The following VPS37A variants were observed in gnomAD, a reference collection of about 807,000 sequenced individuals.
VPS37A encodes VPS37A subunit of ESCRT-I.
VPS37A carries 30 observed loss-of-function variants against 49.8 expected under a neutral mutation model. The observed-to-expected ratio is 0.60, with a 90% CI of 0.45 to 0.82. The LOEUF is 0.82. Ranked by LOEUF, VPS37A falls within the 40% of genes least tolerant of loss-of-function variation. VPS37A has a pLI of 0.00. For missense variants in VPS37A, 593 were observed against 464.4 expected (o/e 1.28, Z -2.55); for synonymous variants, 195 against 160.6 (o/e 1.21, Z -1.62).
chr8:17,247,591 C>G, intron 1 of VPS37A: 1 of 718,998 alleles, frequency 1.4e-6, no homozygotes, highest in Non-Finnish European at 2.5e-6. Context: ...GCGCTTCTAA[C>G]TCGGATTTCC....
At chr8:17,286,962 C>A (rs1006235588) in intron 11 of VPS37A, among the ~76,000 whole-genome samples, 3 of 152,200 alleles carry the variant, frequency 2.0e-5, no homozygotes. Flanking sequence ...CTAGTAATGA[C>A]AGTATCCATG....
intron 1 of VPS37A, among the ~76,000 whole-genome samples, chr8:17,261,682 A>T (rs933241567): frequency 2.0e-5 from 3 of 152,158 alleles, no homozygotes; most frequent in African/African-American, 7.2e-5. Context: ...CTTTAAACCC[A>T]GGTTTGCCTT....
At chr8:17,252,204 A>G (rs1369416653) in intron 1 of VPS37A, among the ~76,000 whole-genome samples, 1 of 152,118 alleles carries the variant, frequency 6.6e-6, no homozygotes, top group Admixed American at 6.6e-5. Context: ...ACAGGGTCTC[A>G]CTCTGTTACC....
downstream of VPS37A, chr8:17,302,063 G>T: frequency 6.6e-7 from 1 of 1,519,638 alleles, no homozygotes. Context: ...TGAAATATTT[G>T]TATTGCACTG....
intron 11 of VPS37A, among the ~76,000 whole-genome samples, chr8:17,286,853 C>G (rs367565232): frequency 6.6e-6 from 1 of 152,290 alleles, no homozygotes; most frequent in East Asian, 1.9e-4. Flanking sequence ...GTCCCCACGA[C>G]TTGAGGGTTC....
chr8:17,287,290 C>T (rs572309870), intron 11 of VPS37A, among the ~76,000 whole-genome samples: 7 of 152,248 alleles, frequency 4.6e-5, no homozygotes, highest in African/African-American at 9.6e-5. Flanking sequence ...AGACTGAAAA[C>T]AGCCACTCAG....
At chr8:17,310,359 C>A in the VPS37A span, among the ~76,000 whole-genome samples, 2 of 152,122 alleles carry the variant, frequency 1.3e-5, no homozygotes, top group African/African-American at 2.4e-5. Flanking sequence ...ATCCCCAATG[C>A]TTTAAAGTGG....
chr8:17,261,333 A>C (rs149020913), intron 1 of VPS37A, among the ~76,000 whole-genome samples: 254 of 152,276 alleles, frequency 1.7e-3, no homozygotes, highest in African/African-American at 5.7e-3. Context: ...ATTATTACTT[A>C]AATCTCTTTG....
chr8:17,248,422 G>T (rs773468668), intron 1 of VPS37A: 3 of 453,246 alleles, frequency 6.6e-6, no homozygotes, highest in Non-Finnish European at 1.3e-5. Context: ...TTACAGGTGC[G>T]CGCCACCATG....
intron 11 of VPS37A, among the ~76,000 whole-genome samples, chr8:17,287,194 C>T (rs1815683464): frequency 6.6e-6 from 1 of 152,000 alleles, no homozygotes; most frequent in African/African-American, 2.4e-5. Context: ...TAGTTCCCAC[C>T]CCAACAAACT....
chr8:17,320,918 A>C, the VPS37A span, among the ~76,000 whole-genome samples: 1 of 152,120 alleles, frequency 6.6e-6, no homozygotes, highest in Non-Finnish European at 1.5e-5. Flanking sequence ...TTAATCCTAA[A>C]ATACACACAT....
chr8:17,288,649 T>C (rs1815849380), intron 11 of VPS37A, among the ~76,000 whole-genome samples: 1 of 152,198 alleles, frequency 6.6e-6, no homozygotes, highest in African/African-American at 2.4e-5. Flanking sequence ...GTTCCAAGTC[T>C]TTGCTATTGT....
chr8:17,261,955 T>C (rs1295356983), intron 1 of VPS37A, among the ~76,000 whole-genome samples: 1 of 152,212 alleles, frequency 6.6e-6, no homozygotes, highest in Non-Finnish European at 1.5e-5. Flanking sequence ...CTCCCTTCAG[T>C]CCTCATGATG....
chr8:17,268,782 G>A (rs1396463028), intron 3 of VPS37A, 74 bp from the exon 4 acceptor site: 18 of 984,952 alleles, frequency 1.8e-5, no homozygotes, highest in Non-Finnish European at 2.6e-5. Flanking sequence ...AATATTTAGA[G>A]TGACATTATC....
At chr8:17,272,950 C>T (rs1814138677) in intron 4 of VPS37A, among the ~76,000 whole-genome samples, 1 of 146,674 alleles carries the variant, frequency 6.8e-6, no homozygotes. Context: ...CTGTTTTATT[C>T]ATCTACAAGA....
At chr8:17,303,982 T>C (rs940917675), downstream of VPS37A, among the ~76,000 whole-genome samples, 11 of 152,212 alleles carry the variant, frequency 7.2e-5, no homozygotes, top group Non-Finnish European at 1.5e-4. Context: ...GGTTTTTGCC[T>C]TTTTGTTGTA....
chr8:17,331,056 T>G, the VPS37A span: 2 of 1,437,858 alleles, frequency 1.4e-6, no homozygotes, highest in Non-Finnish European at 1.9e-6. Context: ...ATCACACCTA[T>G]GTAAAAACAT....
At chr8:17,300,267 C>T (rs75248937), downstream of VPS37A, 1 of 1,560,770 alleles carries the variant, frequency 6.4e-7, no homozygotes, top group Non-Finnish European at 8.7e-7. Context: ...TCATAAATAA[C>T]TTATCTTTTT....
At chr8:17,304,521 T>A, downstream of VPS37A, 1 of 1,612,858 alleles carries the variant, frequency 6.2e-7, no homozygotes, top group Non-Finnish European at 8.5e-7. Flanking sequence ...TCTTGAATCC[T>A]GTTATAAAGA....
Sources: allele counts gnomAD v4.1 joint callset (sites outside exome capture counted in the v4.1 genomes callset), GRCh38; gene constraint gnomAD v4.1.1; transcripts MANE v1.5; gene names NCBI Gene and HGNC (gene_info 2026-07-23, HGNC 2026-07-21).